Variants in TBC1D22B observed in about 807,000 individuals in gnomAD.
TBC1D22B encodes the protein TBC1 domain family member 22B, also known as chromosome 6 open reading frame 197.
TBC1D22B carries 32 observed loss-of-function variants against 69.1 expected under a neutral mutation model. The ratio of observed to expected loss-of-function variants is 0.46; its 90% CI spans 0.35 to 0.62. The LOEUF (loss-of-function observed/expected upper bound fraction) is 0.62. Among genes scored for constraint, TBC1D22B ranks in the 20% least tolerant of loss-of-function variants. The pLI is 0.00. For synonymous variants in TBC1D22B, 206 were observed against 229.8 expected (o/e 0.90, Z 0.94); for missense variants, 462 against 630.9 (o/e 0.73, Z 2.87).
Position 37,282,209 on chromosome 6 carries a change from T to A in TBC1D22B, c.446T>A (p.Leu149His). Residue 149 changes from leucine to histidine, a missense_variant, in exon 4 of 13, where the codon CTC (leucine) becomes CAC (histidine). Around this residue, in one of 2 missense-constraint regions of TBC1D22B, gnomAD observed 237 missense variants for 255.4 expected, o/e 0.93. Coordinates refer to ENST00000373491, the MANE Select transcript of TBC1D22B (RefSeq NM_017772.4). Reference protein sequence around the residue: ...NSSDTCLRNPLHKQQSLPLRP... With the variant: ...NSSDTCLRNPHHKQQSLPLRP... Reference sequence around the variant, plus strand: ...GGTGATACATGCCTGAGGAACCCACTCCACAAACAGCAATCACTCCCTCTC... The same window carrying A: ...GGTGATACATGCCTGAGGAACCCACACCACAAACAGCAATCACTCCCTCTC... 1 of 1,614,082 alleles carries A rather than the reference T, an allele frequency of 6.2e-7. No individual in the cohort carries two copies. Among genetic ancestry groups the A allele is most frequent in the Non-Finnish European group, 8.5e-7 (1 of 1,180,008 alleles).
At chr6:37,282,101 C>T (rs1766852087) in intron 3 of TBC1D22B, 84 bp from the exon 4 acceptor site, 2 of 1,489,638 alleles carry the variant, frequency 1.3e-6, no homozygotes, top group Non-Finnish European at 9.4e-7. Context: ...GGAGGAAACA[C>T]AATGCTGAAC....
rs574052915 is a variant in TBC1D22B, at chr6:37,296,368, G to A, written c.982+5011G>A. Among the ~76,000 whole-genome samples the A allele has an allele frequency of 3.3e-5, 5 of 152,186 alleles. No individual in the cohort carries two copies. The East Asian group carries it at 9.6e-4, about 29-fold the overall frequency. On this transcript the variant is annotated intron_variant, in intron 8 of 12. Transcript: ENST00000373491. The stretch of plus-strand genomic sequence containing the variant: ...CCCAGGCTGGATTGATTGATTGATC[G>A]AGACAGGGTCTCACTCTGTCACCCA...
chr6:37,329,591 C>T (rs1299646115), intron 12 of TBC1D22B, among the ~76,000 whole-genome samples: 1 of 152,208 alleles, frequency 6.6e-6, no homozygotes, highest in African/African-American at 2.4e-5. Context: ...AACTTGTCTA[C>T]TGTAACCAAG....
At chr6:37,278,947 G>A (rs1184226116) in intron 2 of TBC1D22B, among the ~76,000 whole-genome samples, 1 of 151,774 alleles carries the variant, frequency 6.6e-6, no homozygotes, top group Non-Finnish European at 1.5e-5. Flanking sequence ...AAAAGAGAGA[G>A]GTTATACAGA....
intron 3 of TBC1D22B, among the ~76,000 whole-genome samples, chr6:37,281,371 C>G (rs996214505): frequency 1.3e-5 from 2 of 152,206 alleles, no homozygotes; most frequent in Non-Finnish European, 2.9e-5. Flanking sequence ...GCTTATTCCC[C>G]CTACCCACTA....
Position 37,284,435 on chromosome 6 carries a change from G to C in TBC1D22B, c.772G>C (p.Glu258Gln). ...TGAACAGTATTATGACTCTCGAAAC[G>C]AGGAACATCACCAGGATACCTACAG... is the stretch of plus-strand genomic sequence containing the variant. ...FIEQYYDSRN[E>Q]EHHQDTYRQI... The change falls in exon 6 of 13, where the codon GAG becomes CAG. Residue 258 changes from glutamate to glutamine, a missense_variant. By Grantham distance (29) the Glu-to-Gln change is conservative. Transcript: ENST00000373491. The C allele has an allele frequency of 6.3e-7, 1 of 1,597,668 alleles. No homozygotes were observed. Among genetic ancestry groups the C allele is most frequent in the South Asian group, 1.1e-5 (1 of 88,032 alleles).
At chr6:37,301,917 T>C (rs1767583539) in intron 8 of TBC1D22B, among the ~76,000 whole-genome samples, 1 of 152,116 alleles carries the variant, frequency 6.6e-6, no homozygotes, top group South Asian at 2.1e-4. Flanking sequence ...TTATCCTGGG[T>C]AGGTCTCTCC....
At chr6:37,261,856 G>C (rs1407108715) in intron 1 of TBC1D22B, among the ~76,000 whole-genome samples, 2 of 151,678 alleles carry the variant, frequency 1.3e-5, no homozygotes, top group African/African-American at 4.8e-5. Flanking sequence ...CCAACATGGT[G>C]AATCTCCGTC....
chr6:37,257,807 G>T lies in TBC1D22B; in HGVS notation c.-111G>T. 1 of 1,216,674 alleles carries T rather than the reference G, an allele frequency of 8.2e-7. No homozygotes were observed. The highest frequency in any genetic ancestry group is 1.2e-6 in the Non-Finnish European group (1 of 861,724). The allele number at this position is 1,216,674 out of a possible 1,614,324, so 75.4% of individuals were successfully genotyped here. On this transcript the variant is annotated 5_prime_UTR_variant, in exon 1 of 13. Coordinates refer to ENST00000373491, the MANE Select transcript of TBC1D22B (RefSeq NM_017772.4). ...TGGCGTCCCCAGGAGCTGGGAGCGG[G>T]TGACCGGCGGCGGGGAAGCGGCCTG...
At chr6:37,327,293 A>G (rs920067015) in intron 12 of TBC1D22B, among the ~76,000 whole-genome samples, 3 of 110,328 alleles carry the variant, frequency 2.7e-5, no homozygotes, top group African/African-American at 8.6e-5. Context: ...CCTGGCTAAC[A>G]CGGTGAAACC....
At chr6:37,289,534 T>C (rs576432250) in intron 7 of TBC1D22B, among the ~76,000 whole-genome samples, 21 of 152,340 alleles carry the variant, frequency 1.4e-4, no homozygotes, top group African/African-American at 5.1e-4. Context: ...ACAGGTCTCC[T>C]GATTCTGAAC....
Position 37,282,354 on chromosome 6 carries a change from C to T in TBC1D22B, c.591C>T (p.Asn197=), listed in dbSNP as rs1229981480. 4 of 1,605,586 alleles carry T rather than the reference C, an allele frequency of 2.5e-6. No homozygotes were observed. The African/African-American group carries it at 5.3e-5, about 21-fold the overall frequency. ...TCCGTCAACTTCTCTCCAGCCAGAA[C>T]ACTGACTTAGGTGAGTCCCTGTGAG... is the stretch of plus-strand genomic sequence containing the variant. ...EKFRQLLSSQ[N]TDLDELRKCS... The change falls in exon 4 of 13, where the codon AAC becomes AAT. Residue 197 remains asparagine, a synonymous_variant. Coordinates refer to ENST00000373491, the MANE Select transcript of TBC1D22B (RefSeq NM_017772.4).
chr6:37,306,111 G>T (rs900654152), intron 8 of TBC1D22B, among the ~76,000 whole-genome samples: 3 of 152,206 alleles, frequency 2.0e-5, no homozygotes, highest in Non-Finnish European at 2.9e-5. Context: ...TGTGCGTTTG[G>T]TGGGACAGTG....
Position 37,327,215 on chromosome 6 carries a change from G to A in TBC1D22B, c.1390-3829G>A, listed in dbSNP as rs866098242. Among the ~76,000 whole-genome samples, 19 of 94,808 alleles carry A rather than the reference G, an allele frequency of 2.0e-4. 1 individual carries two copies. The highest frequency in any genetic ancestry group is 7.3e-4 in the East Asian group (3 of 4,098). The allele number at this position is 94,808 out of a possible 152,430, so 62.2% of individuals were successfully genotyped here. On this transcript the variant is annotated intron_variant, in intron 12 of 12. Transcript: ENST00000373491. ...GAGATAGGGCCGGGCGCGGTGGCTC[G>A]CGCCTGTAATCCCAGCACTTTGGGA...
intron 8 of TBC1D22B, among the ~76,000 whole-genome samples, chr6:37,309,129 A>T (rs577134221): frequency 6.6e-6 from 1 of 152,230 alleles, no homozygotes; most frequent in African/African-American, 2.4e-5. Flanking sequence ...CTATGACACT[A>T]GTACTGATAT....
intron 7 of TBC1D22B, among the ~76,000 whole-genome samples, chr6:37,289,086 G>C (rs997294657): frequency 2.0e-5 from 3 of 151,896 alleles, no homozygotes; most frequent in East Asian, 3.9e-4. Context: ...TGTAGAGATG[G>C]GGTCTTGCTT....
intron 1 of TBC1D22B, among the ~76,000 whole-genome samples, chr6:37,264,740 G>A (rs1766218619): frequency 6.6e-6 from 1 of 152,154 alleles, no homozygotes; most frequent in Non-Finnish European, 1.5e-5. Flanking sequence ...CATGAGGGGT[G>A]TAGAATTTGA....
chr6:37,291,714 T>G (rs1767190658), intron 8 of TBC1D22B, among the ~76,000 whole-genome samples: 1 of 152,172 alleles, frequency 6.6e-6, no homozygotes, highest in Non-Finnish European at 1.5e-5. Context: ...GCCTGCACAC[T>G]CCAGTTCACT....
Position 37,332,920 on chromosome 6 carries a change from T to C in TBC1D22B, c.*1748T>C, listed in dbSNP as rs892812149. ...TTAGTTTTTATGTTTGTATGGGAAA[T>C]TGTGGATAAAGTGAAAAGAATTGTA... On this transcript the variant is annotated 3_prime_UTR_variant, in exon 13 of 13. Coordinates refer to ENST00000373491, the MANE Select transcript of TBC1D22B (RefSeq NM_017772.4). 2 of 152,344 alleles carry C rather than the reference T, an allele frequency of 1.3e-5. No homozygotes were observed. Among genetic ancestry groups the C allele is most frequent in the African/African-American group, 4.8e-5 (2 of 41,434 alleles). 9.4% of individuals were successfully genotyped at this position (152,344 alleles called of 1,614,324 possible).
Sources: allele counts gnomAD v4.1 joint callset (sites outside exome capture counted in the v4.1 genomes callset), GRCh38; gene constraint gnomAD v4.1.1; regional missense constraint gnomAD v4.1.1; transcripts MANE v1.5; gene names NCBI Gene and HGNC (gene_info 2026-07-23, HGNC 2026-07-21).